FER: variants seen among roughly 807,000 people sequenced by gnomAD.
FER encodes the protein tyrosine-protein kinase Fer.
A neutral mutation model predicts 111.0 loss-of-function variants in FER; 63 were observed. The ratio of observed to expected loss-of-function variants is 0.57; its 90% CI spans 0.46 to 0.70. FER has a LOEUF of 0.70. FER is among the 30% of genes least tolerant of loss of function. The probability of loss-of-function intolerance (pLI) is 0.00; values close to 1 mark genes in which losing one functional copy is unlikely to be tolerated. For missense variants in FER, 914 were observed against 954.0 expected, an observed-to-expected ratio of 0.96 and a Z score of 0.55; for synonymous variants, 327 against 313.9, an observed-to-expected ratio of 1.04 and a Z score of -0.44.
chr5:108,939,640 G>C (rs1271503777), intron 10 of FER, among the ~76,000 whole-genome samples: 1 of 151,996 alleles, frequency 6.6e-6, no homozygotes, highest in African/African-American at 2.4e-5. Context: ...TTTCTAAAAT[G>C]CATCTCCTGG....
At chr5:108,953,468 C>T (rs193229740) in intron 11 of FER, among the ~76,000 whole-genome samples, 2 of 151,988 alleles carry the variant, frequency 1.3e-5, no homozygotes, top group African/African-American at 2.4e-5. Flanking sequence ...AAGTAAGAAT[C>T]AGAATGTAGA....
intron 13 of FER, among the ~76,000 whole-genome samples, chr5:109,006,891 C>A (rs1400463458): frequency 6.6e-6 from 1 of 152,124 alleles, no homozygotes; most frequent in East Asian, 1.9e-4. Context: ...TATATTGATA[C>A]TAAGAGCACA....
chr5:109,013,256 A>AGT, intron 13 of FER, among the ~76,000 whole-genome samples: 3 of 114,534 alleles, frequency 2.6e-5, no homozygotes, highest in Non-Finnish European at 5.1e-5. Flanking sequence ...CAGTCCCCGA[A>AGT]GTGTGATGTA....
intron 9 of FER, among the ~76,000 whole-genome samples, chr5:108,887,468 C>G (rs1456046319): frequency 1.3e-5 from 2 of 151,512 alleles, no homozygotes; most frequent in South Asian, 4.2e-4. Context: ...AGAGTTCAAG[C>G]TTATATAAGT....
chr5:109,011,986 T>C (rs1330060770), intron 13 of FER, among the ~76,000 whole-genome samples: 2 of 152,246 alleles, frequency 1.3e-5, no homozygotes, highest in Non-Finnish European at 2.9e-5. Context: ...TGCCTTCTTG[T>C]GCTTCCCTTT....
At chr5:108,956,072 G>A (rs576849063) in intron 12 of FER, among the ~76,000 whole-genome samples, 4 of 151,560 alleles carry the variant, frequency 2.6e-5, no homozygotes, top group East Asian at 1.9e-4. Flanking sequence ...TTAATTTTTC[G>A]TAGTATTCAG....
At chr5:108,949,084 G>A (rs1757384783) in intron 11 of FER, among the ~76,000 whole-genome samples, 1 of 151,950 alleles carries the variant, frequency 6.6e-6, no homozygotes, top group Non-Finnish European at 1.5e-5. Flanking sequence ...GAATAATATT[G>A]TAAGTAAGAT....
intron 13 of FER, among the ~76,000 whole-genome samples, chr5:109,015,455 C>T (rs148516670): frequency 0.012 from 1,793 of 151,790 alleles, 16 homozygotes; most frequent in Non-Finnish European, 0.02. Flanking sequence ...TCTTTCATGC[C>T]ACATTAACTG....
At chr5:109,163,937 A>G (rs1756269257) in intron 17 of FER, among the ~76,000 whole-genome samples, 1 of 152,150 alleles carries the variant, frequency 6.6e-6, no homozygotes, top group Non-Finnish European at 1.5e-5. Flanking sequence ...TCTATAGCTA[A>G]TAGATTATGA....
At chr5:108,847,778 T>C (rs1216392565) in intron 5 of FER, among the ~76,000 whole-genome samples, 1 of 152,208 alleles carries the variant, frequency 6.6e-6, no homozygotes, top group Non-Finnish European at 1.5e-5. Flanking sequence ...TGCCTGGTAA[T>C]AATATTGTTT....
intron 17 of FER, among the ~76,000 whole-genome samples, chr5:109,180,479 C>G (rs1341321042): frequency 1.3e-5 from 2 of 152,090 alleles, no homozygotes; most frequent in Non-Finnish European, 2.9e-5. Context: ...GTAATTTTCT[C>G]TTTTAAAGCT....
chr5:109,172,742 A>C (rs1449135905), intron 17 of FER, among the ~76,000 whole-genome samples: 1 of 152,190 alleles, frequency 6.6e-6, no homozygotes, highest in Non-Finnish European at 1.5e-5. Flanking sequence ...CCTTTAGACC[A>C]GAATCTTTAT....
intron 13 of FER, among the ~76,000 whole-genome samples, chr5:108,967,277 A>G (rs907279962): frequency 6.6e-6 from 1 of 152,186 alleles, no homozygotes. Flanking sequence ...ATTGAGCAAC[A>G]AAACGGCTCT....
intron 17 of FER, among the ~76,000 whole-genome samples, chr5:109,127,739 T>C (rs140516197): frequency 0.012 from 1,811 of 152,272 alleles, 18 homozygotes; most frequent in Non-Finnish European, 0.02. Flanking sequence ...AAAATATTAC[T>C]AATTAACTAT....
chr5:109,084,075 A>G (rs1777289018), intron 16 of FER, among the ~76,000 whole-genome samples: 1 of 152,020 alleles, frequency 6.6e-6, no homozygotes, highest in Admixed American at 6.6e-5. Flanking sequence ...GTTTACAGTC[A>G]TGTTACTTCC....
chr5:109,025,295 T>C (rs1418163149), intron 13 of FER, among the ~76,000 whole-genome samples: 1 of 152,110 alleles, frequency 6.6e-6, no homozygotes, highest in African/African-American at 2.4e-5. Context: ...TTTTATTTCC[T>C]TGAGCAGTGG....
At chr5:108,868,851 T>G (rs542917247) in intron 6 of FER, among the ~76,000 whole-genome samples, 1 of 152,230 alleles carries the variant, frequency 6.6e-6, no homozygotes, top group South Asian at 2.1e-4. Flanking sequence ...AGCTCTTAGG[T>G]TTAGCATATT....
At chr5:108,946,300 ATATG>A in intron 11 of FER, 78 bp downstream of exon 11, 9 of 921,668 alleles carry the variant, frequency 9.8e-6, no homozygotes, top group South Asian at 2.8e-5. Context: ...GAATATATAT[ATATG>A]TGTGTGTGTG....
At chr5:108,887,483 C>T (rs1747358394) in intron 9 of FER, among the ~76,000 whole-genome samples, 1 of 151,406 alleles carries the variant, frequency 6.6e-6, no homozygotes, top group Non-Finnish European at 1.5e-5. Flanking sequence ...ATAAGTAATG[C>T]AGGTCTTAGT....
Sources: gnomAD v4.1 joint callset for allele counts (sites outside exome capture counted in the v4.1 genomes callset) on GRCh38, gnomAD v4.1.1 for gene constraint, MANE v1.5 for transcripts, NCBI Gene and HGNC (gene_info 2026-07-23, HGNC 2026-07-21) for gene names.